The following PCDHGB3 variants were observed in gnomAD, a reference collection of about 807,000 sequenced individuals.
PCDHGB3 encodes protocadherin gamma subfamily B, 3, also known as protocadherin gamma-B3.
Under a neutral mutation model 59.2 loss-of-function variants are expected in PCDHGB3, and 40 were observed. The observed-to-expected ratio is 0.68, with a 90% confidence interval of 0.52 to 0.88. The LOEUF (loss-of-function observed/expected upper bound fraction) is 0.88, where lower values mean the gene tolerates loss of function less well. Among genes scored for constraint, PCDHGB3 ranks in the 40% least tolerant of loss-of-function variants. The pLI is 0.00. For missense variants in PCDHGB3, 1,309 were observed against 1,187.9 expected (o/e 1.10, Z -1.50); for synonymous variants, 581 against 503.6 (o/e 1.15, Z -2.06).
intron 1 of PCDHGB3, chr5:141,394,467 G>C (rs558211393): frequency 3.1e-6 from 5 of 1,614,120 alleles, no homozygotes; most frequent in African/African-American, 1.3e-5. Context: ...GAGCCTGTTC[G>C]TGCTGGACCA....
chr5:141,394,631 C>T (rs1402672360), intron 1 of PCDHGB3: 3 of 1,613,354 alleles, frequency 1.9e-6, no homozygotes, highest in Admixed American at 1.7e-5. Flanking sequence ...GGCTGTCCTA[C>T]CGCCTGCTCA....
At position 141,511,130 on chromosome 5, in the gene PCDHGB3, G is replaced by A. The variant is rs777082914; in HGVS notation, c.2747G>A (p.Gly916Asp). ...GKRDGKAPAG[G>D]NGNKKKSGKK... ...CGGGATGGCAAGGCCCCAGCAGGTG[G>A]CAATGGCAACAAGAAGAAGTCGGGC... The change falls in exon 4 of 4, where the codon GGC (glycine) becomes GAC (aspartate). Residue 916 changes from glycine (G) to aspartate (D), a missense_variant. Coordinates refer to ENST00000576222, the MANE Select transcript of PCDHGB3 (RefSeq NM_018924.5). 6.2e-7 allele frequency: 1 copy of A among 1,614,210 alleles called. No homozygotes were observed. The highest frequency in any genetic ancestry group is 1.1e-5 in the South Asian group (1 of 91,090).
In PCDHGB3 at chr5:141,489,948, T is replaced by C; in HGVS notation, c.2416-4859T>C. 2 of 1,614,210 alleles carry C rather than the reference T, an allele frequency of 1.2e-6. No individual in the cohort carries two copies. Among genetic ancestry groups the C allele is most frequent in the Non-Finnish European group, 1.7e-6 (2 of 1,180,030 alleles). On this transcript the variant is annotated intron_variant, in intron 1 of 3. Coordinates refer to ENST00000576222, the MANE Select transcript of PCDHGB3 (RefSeq NM_018924.5). The surrounding 1 kb of genome is among the most constrained non-coding windows in gnomAD (Gnocchi z 4.5). ...TCTCTGTCATCGTGCTGGACATCAA[T>C]GATAATGCTCCAACCTTCCAATCCT...
At chr5:141,391,213 C>T (rs1255778682) in intron 1 of PCDHGB3, 1 of 152,056 alleles carries the variant, frequency 6.6e-6, no homozygotes, top group African/African-American at 2.4e-5. Flanking sequence ...TACCAAGGAA[C>T]ATTATATGAG....
Position 141,485,813 on chromosome 5 carries a change from G to A in PCDHGB3, c.2416-8994G>A. The A allele has an allele frequency of 1.9e-6, 3 of 1,614,078 alleles. No individual in the cohort carries two copies. Among genetic ancestry groups the A allele is most frequent in the Non-Finnish European group, 2.5e-6 (3 of 1,180,008 alleles). On this transcript the variant is annotated intron_variant, in intron 1 of 3. Coordinates refer to ENST00000576222, the MANE Select transcript of PCDHGB3 (RefSeq NM_018924.5). This position sits in a 1 kb window ranked among gnomAD's most constrained non-coding sequence, Gnocchi z 5.7. ...ATCGGACTACCGCCTGGTGCTGACT[G>A]CTGTCGATGGAGGGAACCCGCCGAG... is the stretch of plus-strand genomic sequence containing the variant.
Position 141,409,613 on chromosome 5 carries a change from A to T in PCDHGB3, c.2415+36804A>T, listed in dbSNP as rs370495173. 6.6e-5 allele frequency: 107 copies of T among 1,613,738 alleles called. 1 individual carries two copies. The South Asian group carries it at 1.1e-3, about 17-fold the overall frequency. ...CGAGAACAACCCGCCAGGAGCCTCC[A>T]TTGCGCAAGTGAGCGCCTCTGACCC... On this transcript the variant is annotated intron_variant, in intron 1 of 3. Transcript: ENST00000576222.
chr5:141,385,526 G>C (rs1265906180), intron 1 of PCDHGB3: 1 of 1,352,594 alleles, frequency 7.4e-7, no homozygotes, highest in East Asian at 2.7e-5. Context: ...CTATGGACAA[G>C]ATTATGAATA....
chr5:141,495,465 G>T (rs563411010), intron 2 of PCDHGB3, among the ~76,000 whole-genome samples: 11 of 152,298 alleles, frequency 7.2e-5, no homozygotes, highest in African/African-American at 2.4e-4. Flanking sequence ...TGTCTGTGGG[G>T]TCTCCGTGTC....
chr5:141,441,150 T>C (rs1421773650), intron 1 of PCDHGB3: 4 of 152,122 alleles, frequency 2.6e-5, no homozygotes, highest in African/African-American at 7.2e-5. Context: ...ATAATGACAA[T>C]ATCCTAGAGG....
intron 1 of PCDHGB3, chr5:141,398,592 A>G: frequency 6.2e-7 from 1 of 1,614,068 alleles, no homozygotes; most frequent in South Asian, 1.1e-5. Flanking sequence ...TTATACTAGA[A>G]GTAGCAGAAG....
rs758463890 is a variant in PCDHGB3 at position 141,394,966 on chromosome 5, G to A, written c.2415+22157G>A. On this transcript the variant is annotated intron_variant, in intron 1 of 3. Coordinates refer to ENST00000576222, the MANE Select transcript of PCDHGB3 (RefSeq NM_018924.5). ...GTGCTTCTGGGGCTCAGGCTGAGGCGCTGGCACAAGTCACGCCTGCTCCAG... is the reference window on the plus strand; with the variant it reads ...GTGCTTCTGGGGCTCAGGCTGAGGCACTGGCACAAGTCACGCCTGCTCCAG... 11 of 1,613,768 alleles carry A rather than the reference G, an allele frequency of 6.8e-6. No homozygotes were observed. In the African/African-American group the frequency reaches 9.3e-5, roughly 14 times the overall value.
rs373591066 is a variant in PCDHGB3, at chr5:141,404,487, G to A, written c.2415+31678G>A. On this transcript the variant is annotated intron_variant, in intron 1 of 3. Transcript: ENST00000576222. The stretch of plus-strand genomic sequence containing the variant: ...TATGTCTCTATTAACTCAGACACTG[G>A]TGTGCTGTATGCTCTGTGCTCCTTT... 6.8e-6 allele frequency: 11 copies of A among 1,613,722 alleles called. No homozygotes were observed. Among genetic ancestry groups the A allele is most frequent in the Admixed American group, 1.7e-5 (1 of 60,008 alleles).
chr5:141,488,939 T>C (rs1229571704), intron 1 of PCDHGB3, among the ~76,000 whole-genome samples: 1 of 152,114 alleles, frequency 6.6e-6, no homozygotes, highest in Non-Finnish European at 1.5e-5. Context: ...GGAAACTCCA[T>C]AATTGGTTGA....
chr5:141,489,342 A>G lies in PCDHGB3; in HGVS notation c.2416-5465A>G. 3.7e-6 allele frequency: 6 copies of G among 1,609,084 alleles called. No homozygotes were observed. The Middle Eastern group carries it at 6.6e-4, about 178-fold the overall frequency. On this transcript the variant is annotated intron_variant, in intron 1 of 3. Transcript: ENST00000576222. The surrounding 1 kb of genome is among the most constrained non-coding windows in gnomAD (Gnocchi z 4.5). ...GGGTGTCTGGGCAGCTTCGTTACTCAGTGGTGGAGGAGTCTGAGCCGGGGA... is the reference window on the plus strand; with the variant it reads ...GGGTGTCTGGGCAGCTTCGTTACTCGGTGGTGGAGGAGTCTGAGCCGGGGA...
rs773522759 is a variant in PCDHGB3, at chr5:141,419,457, A to G, written c.2415+46648A>G. The G allele has an allele frequency of 7.4e-6, 12 of 1,612,610 alleles. No homozygotes were observed. The South Asian group carries it at 1.3e-4, about 18-fold the overall frequency. On this transcript the variant is annotated intron_variant, in intron 1 of 3. Transcript: ENST00000576222. ...CTGCGCACCTTCGAGCTCACGCTGC[A>G]GGCCCGCGACCAGGGCTCGCCCGCG...
Position 141,489,084 on chromosome 5 carries a change from C to T in PCDHGB3, c.2416-5723C>T, listed in dbSNP as rs1232276875. On this transcript the variant is annotated intron_variant, in intron 1 of 3. Transcript: ENST00000576222. This position sits in a 1 kb window ranked among gnomAD's most constrained non-coding sequence, Gnocchi z 4.5. ...CTCCCCCCTGCCCACCCCCGCCACTCGGTGACTAAGAACTGCTGCAAGCAG... is the reference window on the plus strand; with the variant it reads ...CTCCCCCCTGCCCACCCCCGCCACTTGGTGACTAAGAACTGCTGCAAGCAG... The T allele has an allele frequency of 1.5e-5, 5 of 329,072 alleles. No homozygotes were observed. Among genetic ancestry groups the T allele is most frequent in the South Asian group, 1.3e-4 (2 of 15,846 alleles). The allele number at this position is 329,072 out of a possible 1,614,324, so 20.4% of individuals were successfully genotyped here. A position where few individuals can be genotyped will look rare whatever the true frequency, so the allele number is the denominator to read the frequency against.
At chr5:141,388,993 G>A (rs778336882) in intron 1 of PCDHGB3, 1 of 1,614,026 alleles carries the variant, frequency 6.2e-7, no homozygotes, top group South Asian at 1.1e-5. Flanking sequence ...CTCAAAGTCC[G>A]TGACAAGGAT....
intron 1 of PCDHGB3, among the ~76,000 whole-genome samples, chr5:141,453,779 C>T (rs138335951): frequency 0.013 from 2,000 of 152,278 alleles, 24 homozygotes; most frequent in Non-Finnish European, 0.021. Flanking sequence ...ATTTTAGTTA[C>T]CATGGTATAT....
intron 1 of PCDHGB3, chr5:141,415,051 C>T: frequency 3.1e-6 from 5 of 1,613,458 alleles, no homozygotes; most frequent in South Asian, 1.1e-5. Flanking sequence ...GGTGGGGGAG[C>T]ACACGGGCGA....
Sources: gnomAD v4.1 joint callset for allele counts (sites outside exome capture counted in the v4.1 genomes callset) on GRCh38, gnomAD v4.1.1 for gene constraint, Gnocchi (gnomAD v3.1) non-coding constraint, MANE v1.5 for transcripts, NCBI Gene and HGNC (gene_info 2026-07-23, HGNC 2026-07-21) for gene names.